PANK2: variants seen among roughly 807,000 people sequenced by gnomAD.
PANK2 encodes the protein pantothenate kinase 2, mitochondrial.
PANK2 carries 36 observed loss-of-function variants against 43.1 expected under a neutral mutation model. That is an observed-to-expected ratio of 0.84 (90% CI 0.64 to 1.10). The LOEUF is 1.10. PANK2 is among the 50% of genes least tolerant of loss of function. The pLI is 0.00. For missense variants in PANK2, 576 were observed against 593.3 expected (o/e 0.97, Z 0.30); for synonymous variants, 281 against 238.2 (o/e 1.18, Z -1.66).
upstream of PANK2, chr20:3,888,842 C>T: frequency 2.1e-6 from 1 of 476,494 alleles, no homozygotes; most frequent in Non-Finnish European, 3.7e-6. Flanking sequence ...CCCAAACATG[C>T]TGGGGGAGGG....
intron 6 of PANK2, among the ~76,000 whole-genome samples, chr20:3,919,162 T>G (rs2090609504): frequency 6.6e-6 from 1 of 152,204 alleles, no homozygotes; most frequent in African/African-American, 2.4e-5. Flanking sequence ...TCTGCCAGCC[T>G]CAGCCTCCCA....
chr20:3,894,198 T>C (rs964753318), intron 1 of PANK2, among the ~76,000 whole-genome samples: 1 of 151,840 alleles, frequency 6.6e-6, no homozygotes, highest in African/African-American at 2.4e-5. Flanking sequence ...CCCAAAGTGC[T>C]GGGATTACAG....
chr20:3,888,934 C>T (rs1289094925), upstream of PANK2: 2 of 591,730 alleles, frequency 3.4e-6, no homozygotes, highest in Non-Finnish European at 5.8e-6. Context: ...CTTTCGTCTG[C>T]CGACGACCAG....
At chr20:3,895,803 A>G (rs961992268) in intron 1 of PANK2, among the ~76,000 whole-genome samples, 11 of 152,166 alleles carry the variant, frequency 7.2e-5, no homozygotes, top group African/African-American at 2.6e-4. Context: ...GTGTGTTTAT[A>G]TTTCCTGAAT....
At chr20:3,904,217 C>A (rs1421376162) in intron 1 of PANK2, among the ~76,000 whole-genome samples, 1 of 151,918 alleles carries the variant, frequency 6.6e-6, no homozygotes, top group East Asian at 1.9e-4. Context: ...GTAGTTTGTC[C>A]CTTTTTTTTG....
intron 4 of PANK2, 149 bp from the exon 5 acceptor site, chr20:3,916,778 G>T: frequency 2.6e-6 from 3 of 1,166,244 alleles, no homozygotes; most frequent in Non-Finnish European, 3.7e-6. Context: ...ATTTCTCTTT[G>T]AACAGATGCT....
intron 1 of PANK2, among the ~76,000 whole-genome samples, chr20:3,905,456 C>G (rs570472975): frequency 6.6e-6 from 1 of 151,146 alleles, no homozygotes. Flanking sequence ...ATGCCATTCT[C>G]CTGCCTCAGC....
chr20:3,897,485 G>A (rs2090228775), intron 1 of PANK2, among the ~76,000 whole-genome samples: 1 of 152,104 alleles, frequency 6.6e-6, no homozygotes, highest in Non-Finnish European at 1.5e-5. Context: ...TGGATCGCTT[G>A]AGCTTAGGAG....
intron 2 of PANK2, among the ~76,000 whole-genome samples, chr20:3,910,202 T>C (rs146891224): frequency 1.3e-5 from 2 of 152,326 alleles, no homozygotes; most frequent in African/African-American, 2.4e-5. Flanking sequence ...ACAAGGTGGT[T>C]TCTGATAGTG....
chr20:3,894,220 C>A (rs929581676), intron 1 of PANK2, among the ~76,000 whole-genome samples: 4 of 150,620 alleles, frequency 2.7e-5, no homozygotes, highest in African/African-American at 9.8e-5. Flanking sequence ...TGTGAGCCAC[C>A]GTGCCTGACC....
chr20:3,914,356 C>G (rs376131326), intron 4 of PANK2, among the ~76,000 whole-genome samples: 5 of 151,972 alleles, frequency 3.3e-5, no homozygotes, highest in East Asian at 3.8e-4. Flanking sequence ...CGCCCTGTTG[C>G]CCACATGAGA....
chr20:3,899,125 C>T (rs1258917384), intron 1 of PANK2, among the ~76,000 whole-genome samples: 4 of 151,378 alleles, frequency 2.6e-5, no homozygotes, highest in Non-Finnish European at 4.4e-5. Context: ...CCACCTGCCT[C>T]GGCCTCCCAA....
intron 1 of PANK2, among the ~76,000 whole-genome samples, chr20:3,903,016 C>T (rs1377781478): frequency 2.1e-5 from 3 of 141,448 alleles, no homozygotes; most frequent in African/African-American, 7.8e-5. Flanking sequence ...CACACACACA[C>T]ACCCCTTTTA....
At chr20:3,911,974 A>G (rs1188463720) in intron 3 of PANK2, among the ~76,000 whole-genome samples, 1 of 152,196 alleles carries the variant, frequency 6.6e-6, no homozygotes, top group Non-Finnish European at 1.5e-5. Context: ...ACAGGCATCT[A>G]GGGATTGGGA....
intron 1 of PANK2, among the ~76,000 whole-genome samples, chr20:3,892,673 C>CA (rs763721845): frequency 0.11 from 11,768 of 104,318 alleles, 996 homozygotes; most frequent in Middle Eastern, 0.2. Context: ...GACTCTGTCT[C>CA]AAAAAAAAAA....
chr20:3,889,197 C>G (rs747578965), upstream of PANK2: 2 of 1,612,200 alleles, frequency 1.2e-6, no homozygotes, highest in Non-Finnish European at 1.7e-6. Flanking sequence ...CCGCGGAACC[C>G]GGATCCCCTC....
At chr20:3,921,324 C>T (rs924007367) in intron 6 of PANK2, 1 of 151,960 alleles carries the variant, frequency 6.6e-6, no homozygotes. Context: ...TTTTCTTGCC[C>T]TCACATTGAA....
intron 1 of PANK2, among the ~76,000 whole-genome samples, chr20:3,905,717 CTTTT>C (rs377100642): frequency 1.5e-5 from 2 of 132,604 alleles, no homozygotes; most frequent in African/African-American, 2.8e-5. Flanking sequence ...AACCCACACC[CTTTT>C]TTTTTTTTTT....
intron 2 of PANK2, among the ~76,000 whole-genome samples, chr20:3,909,462 C>T (rs2090435458): frequency 6.6e-6 from 1 of 152,164 alleles, no homozygotes; most frequent in African/African-American, 2.4e-5. Flanking sequence ...AACACCTGAC[C>T]TCAAGTGATC....
Sources: gnomAD v4.1 joint callset for allele counts (sites outside exome capture counted in the v4.1 genomes callset) on GRCh38, gnomAD v4.1.1 for gene constraint, MANE v1.5 for transcripts, NCBI Gene and HGNC (gene_info 2026-07-23, HGNC 2026-07-21) for gene names.